Variants in H2BC11 observed in about 807,000 individuals in gnomAD.
H2BC11 encodes histone H2B type 1-J.
Under a neutral mutation model 6.0 loss-of-function variants are expected in H2BC11, and 7 were observed. That is an observed-to-expected ratio of 1.16 (90% CI 0.66 to 2.19). The LOEUF is 2.19. Among genes scored for constraint, H2BC11 ranks in the 30% most tolerant of loss-of-function variants. H2BC11 has a pLI of 0.00. For missense variants in H2BC11, 215 were observed against 170.3 expected, an observed-to-expected ratio of 1.26 and a Z score of -1.46; for synonymous variants, 127 against 72.0, an observed-to-expected ratio of 1.77 and a Z score of -3.87.
At position 27,132,738 on chromosome 6, in the gene H2BC11, C is replaced by T; in HGVS notation, c.13G>A (p.Ala5Thr). The change falls in exon 1 of 1, where the codon GCG becomes ACG. Residue 5 changes from alanine (A) to threonine (T), a missense_variant. By Grantham distance (58) the Ala-to-Thr change is moderately conservative (BLOSUM62 0). Coordinates refer to ENST00000339812, the MANE Select transcript of H2BC11 (RefSeq NM_021058.4). Reference protein sequence around the residue: MPEPAKSAPAPKKGS... With the variant: MPEPTKSAPAPKKGS... ...TTTTTCGGGGCGGGAGCAGACTTCGCTGGCTCTGGCATAGCACTGTGTAGC... is the reference window on the plus strand; with the variant it reads ...TTTTTCGGGGCGGGAGCAGACTTCGTTGGCTCTGGCATAGCACTGTGTAGC... 1 of 1,614,082 alleles carries T rather than the reference C, an allele frequency of 6.2e-7. No individual in the cohort carries two copies. The highest frequency in any genetic ancestry group is 8.5e-7 in the Non-Finnish European group (1 of 1,180,014).
Position 27,132,472 on chromosome 6 carries a change from C to T in H2BC11, c.279G>A (p.Arg93=), listed in dbSNP as rs777143365. The T allele has an allele frequency of 1.2e-6, 2 of 1,614,226 alleles. No individual in the cohort carries two copies. The highest frequency in any genetic ancestry group is 1.1e-5 in the South Asian group (1 of 91,082). ...GCAGGCGCACGGCCGTCTGGATCTC[C>T]CTGGAGGTGATGGTCGAGCGCTTGT... ...HYNKRSTITS[R]EIQTAVRLLL... The change falls in exon 1 of 1, where the codon AGG becomes AGA. Residue 93 remains arginine (R), a synonymous_variant. Coordinates refer to ENST00000339812, the MANE Select transcript of H2BC11 (RefSeq NM_021058.4).
Position 27,132,358 on chromosome 6 carries a change from C to G in H2BC11, c.*12G>C. 1 of 1,614,040 alleles carries G rather than the reference C, an allele frequency of 6.2e-7. No homozygotes were observed. On this transcript the variant is annotated 3_prime_UTR_variant, in exon 1 of 1. Coordinates refer to ENST00000339812, the MANE Select transcript of H2BC11 (RefSeq NM_021058.4). ...AGCCGTTAGGGTTGAGAGTTTGCAA[C>G]CAACTCACTGTTTACTTAGCGCTGG... is the stretch of plus-strand genomic sequence containing the variant.
At position 27,132,571 on chromosome 6, in the gene H2BC11, C is replaced by T. The variant is rs1759854225; in HGVS notation, c.180G>A (p.Met60Ile). The change falls in exon 1 of 1, where the codon ATG (methionine) becomes ATA (isoleucine). Residue 60 changes from methionine to isoleucine, a missense_variant. Coordinates refer to ENST00000339812, the MANE Select transcript of H2BC11 (RefSeq NM_021058.4). The part of the protein sequence containing the change: ...HPDTGISSKA[M>I]GIMNSFVNDI... ...CGTTCACAAACGAATTCATGATGCC[C>T]ATGGCCTTGGACGAAATGCCGGTGT... 5.0e-6 allele frequency: 8 copies of T among 1,614,110 alleles called. No homozygotes were observed. Among genetic ancestry groups the T allele is most frequent in the African/African-American group, 2.7e-5 (2 of 74,946 alleles).
At position 27,132,532 on chromosome 6, in the gene H2BC11, G is replaced by A. The variant is rs775993252; in HGVS notation, c.219C>T (p.Arg73=). The A allele has an allele frequency of 2.5e-6, 4 of 1,614,250 alleles. No homozygotes were observed. Among genetic ancestry groups the A allele is most frequent in the East Asian group, 2.2e-5 (1 of 44,886 alleles). The part of the protein sequence containing the change: ...MNSFVNDIFE[R]IAGEASRLAH... The stretch of plus-strand genomic sequence containing the variant: ...CCAGGCGGGAAGCCTCACCTGCGAT[G>A]CGCTCGAAAATGTCGTTCACAAACG... Residue 73 remains arginine, a synonymous_variant, in exon 1 of 1, where the codon CGC becomes CGT. Coordinates refer to ENST00000339812, the MANE Select transcript of H2BC11 (RefSeq NM_021058.4).
rs200132353 is a variant in H2BC11, at chr6:27,132,766, T to G, written c.-16A>C. The G allele has an allele frequency of 1.4e-5, 22 of 1,599,766 alleles. No homozygotes were observed. The highest frequency in any genetic ancestry group is 1.7e-5 in the Non-Finnish European group (20 of 1,175,728). ...GCTCTGGCATAGCACTGTGTAGCTATAAAGCGCCAACGAAAAGGAAAAACA... is the reference window on the plus strand; with the variant it reads ...GCTCTGGCATAGCACTGTGTAGCTAGAAAGCGCCAACGAAAAGGAAAAACA... On this transcript the variant is annotated 5_prime_UTR_variant, in exon 1 of 1. Transcript: ENST00000339812.
Position 27,132,725 on chromosome 6 carries a change from G to C in H2BC11, c.26C>G (p.Pro9Arg). The C allele has an allele frequency of 6.2e-7, 1 of 1,614,100 alleles. No homozygotes were observed. The highest frequency in any genetic ancestry group is 8.5e-7 in the Non-Finnish European group (1 of 1,180,018). ...CTTCTTGGAGCCCTTTTTCGGGGCG[G>C]GAGCAGACTTCGCTGGCTCTGGCAT... MPEPAKSA[P>R]APKKGSKKAV... The change falls in exon 1 of 1, where the codon CCC (proline) becomes CGC (arginine). Residue 9 changes from proline (P) to arginine (R), a missense_variant. Coordinates refer to ENST00000339812, the MANE Select transcript of H2BC11 (RefSeq NM_021058.4).
In H2BC11 at chr6:27,132,656, C is replaced by T. The variant is rs1315066105; in HGVS notation, c.95G>A (p.Arg32His). 32 of 1,614,230 alleles carry T rather than the reference C, an allele frequency of 2.0e-5. No individual in the cohort carries two copies. Among genetic ancestry groups the T allele is most frequent in the Non-Finnish European group, 2.6e-5 (31 of 1,180,048 alleles). The change falls in exon 1 of 1, where the codon CGC (arginine) becomes CAC (histidine). Residue 32 changes from arginine (R) to histidine (H), a missense_variant. By Grantham distance (29) the Arg-to-His change is conservative. Transcript: ENST00000339812. ...GATGGAATAGCTCTCCTTGCGGCTG[C>T]GCTTGCGCTTCTTGCCGTCTTTCTT... Reference protein sequence around the residue: ...AQKKDGKKRKRSRKESYSIYV... With the variant: ...AQKKDGKKRKHSRKESYSIYV...
rs372796717 is a variant in H2BC11, at chr6:27,132,396, C to G, written c.355G>C (p.Val119Leu). 6.2e-7 allele frequency: 1 copy of G among 1,614,074 alleles called. No individual in the cohort carries two copies. The highest frequency in any genetic ancestry group is 8.5e-7 in the Non-Finnish European group (1 of 1,180,054). ...KHAVSEGTKA[V>L]TKYTSAK ...TACTTAGCGCTGGTGTACTTGGTGA[C>G]GGCCTTAGTACCCTCGGACACGGCG... is the stretch of plus-strand genomic sequence containing the variant. The change falls in exon 1 of 1, where the codon GTC becomes CTC. Residue 119 changes from valine (V) to leucine (L), a missense_variant. Val to Leu is a conservative substitution (Grantham distance 32). Transcript: ENST00000339812.
Position 27,132,373 on chromosome 6 carries a change from C to G in H2BC11, c.378G>C (p.Lys126Asn), listed in dbSNP as rs539076165. The change falls in exon 1 of 1, where the codon AAG (lysine) becomes AAC (asparagine). Residue 126 changes from lysine to asparagine, a missense_variant. Physicochemically the swap from Lys to Asn is moderately conservative, Grantham distance 94. Transcript: ENST00000339812. Reference protein sequence around the residue: ...TKAVTKYTSAK With the variant: ...TKAVTKYTSAN The stretch of plus-strand genomic sequence containing the variant: ...GAGTTTGCAACCAACTCACTGTTTA[C>G]TTAGCGCTGGTGTACTTGGTGACGG... The G allele has an allele frequency of 1.9e-6, 3 of 1,614,192 alleles. No homozygotes were observed. The highest frequency in any genetic ancestry group is 1.3e-5 in the African/African-American group (1 of 75,048).
Position 27,132,690 on chromosome 6 carries a change from T to C in H2BC11, c.61A>G (p.Lys21Glu), listed in dbSNP as rs935230437. 1.9e-6 allele frequency: 3 copies of C among 1,614,096 alleles called. No homozygotes were observed. Among genetic ancestry groups the C allele is most frequent in the South Asian group, 2.2e-5 (2 of 91,084 alleles). The change falls in exon 1 of 1, where the codon AAG becomes GAG. Residue 21 changes from lysine to glutamate, a missense_variant. Lys to Glu is a moderately conservative substitution (Grantham distance 56). Coordinates refer to ENST00000339812, the MANE Select transcript of H2BC11 (RefSeq NM_021058.4). ...TTCTTGCCGTCTTTCTTCTGCGCCT[T>C]AGTCACCGCCTTCTTGGAGCCCTTT... Reference protein sequence around the residue: ...PKKGSKKAVTKAQKKDGKKRK... With the variant: ...PKKGSKKAVTEAQKKDGKKRK...
Position 27,132,538 on chromosome 6 carries a change from G to GA in H2BC11, c.212dup (p.Glu72ArgfsTer6). 6.2e-7 allele frequency: 1 copy of GA among 1,614,230 alleles called. No homozygotes were observed. Among genetic ancestry groups the GA allele is most frequent in the South Asian group, 1.1e-5 (1 of 91,090 alleles). ...GGGAAGCCTCACCTGCGATGCGCTC[G>GA]AAAATGTCGTTCACAAACGAATTCA... On this transcript the variant is annotated frameshift_variant, in exon 1 of 1. Transcript: ENST00000339812. LOFTEE classifies it high-confidence loss of function.
rs752986180 is a variant in H2BC11, at chr6:27,132,483, T to C, written c.268A>G (p.Ile90Val). 3.1e-6 allele frequency: 5 copies of C among 1,614,228 alleles called. No homozygotes were observed. Among genetic ancestry groups the C allele is most frequent in the Non-Finnish European group, 4.2e-6 (5 of 1,180,038 alleles). ...RLAHYNKRST[I>V]TSREIQTAVR... ...GCCGTCTGGATCTCCCTGGAGGTGATGGTCGAGCGCTTGTTGTAATGCGCC... is the reference window on the plus strand; with the variant it reads ...GCCGTCTGGATCTCCCTGGAGGTGACGGTCGAGCGCTTGTTGTAATGCGCC... The change falls in exon 1 of 1, where the codon ATC becomes GTC. Residue 90 changes from isoleucine to valine, a missense_variant. Ile to Val is a conservative substitution (Grantham distance 29, BLOSUM62 3). Transcript: ENST00000339812.
At position 27,132,795 on chromosome 6, in the gene H2BC11, T is replaced by C; in HGVS notation, c.-45A>G. The C allele has an allele frequency of 1.3e-6, 2 of 1,588,478 alleles. No individual in the cohort carries two copies. Among genetic ancestry groups the C allele is most frequent in the East Asian group, 2.2e-5 (1 of 44,718 alleles). ...GCGCCAACGAAAAGGAAAAACAGCG[T>C]GAGCAGGGTATGACAAGGCGCTTTT... On this transcript the variant is annotated 5_prime_UTR_variant, in exon 1 of 1. Transcript: ENST00000339812.
rs776208277 is a variant in H2BC11, at chr6:27,132,613, C to T, written c.138G>A (p.Leu46=). Residue 46 remains leucine (L), a synonymous_variant, in exon 1 of 1, where the codon CTG becomes CTA. Transcript: ENST00000339812. ...ESYSIYVYKV[L]KQVHPDTGIS... is the part of the protein sequence containing the mutation. ...TGCCGGTGTCAGGGTGGACCTGCTTCAGAACCTTGTACACATAGATGGAAT... is the reference window on the plus strand; with the variant it reads ...TGCCGGTGTCAGGGTGGACCTGCTTTAGAACCTTGTACACATAGATGGAAT... 10 of 1,614,264 alleles carry T rather than the reference C, an allele frequency of 6.2e-6. No individual in the cohort carries two copies. The highest frequency in any genetic ancestry group is 2.2e-5 in the East Asian group (1 of 44,884).
rs768809404 is a variant in H2BC11 at position 27,132,690 on chromosome 6, T to TA, written c.60dup (p.Lys21Ter). On this transcript the variant is annotated frameshift_variant, in exon 1 of 1. Transcript: ENST00000339812. LOFTEE classifies it high-confidence loss of function. The stretch of plus-strand genomic sequence containing the variant: ...TTCTTGCCGTCTTTCTTCTGCGCCT[T>TA]AGTCACCGCCTTCTTGGAGCCCTTT... 3.1e-6 allele frequency: 5 copies of TA among 1,614,096 alleles called. No individual in the cohort carries two copies. The highest frequency in any genetic ancestry group is 3.4e-6 in the Non-Finnish European group (4 of 1,180,036).
Position 27,132,474 on chromosome 6 carries a change from T to A in H2BC11, c.277A>T (p.Arg93Trp). 6.2e-7 allele frequency: 1 copy of A among 1,614,256 alleles called. No individual in the cohort carries two copies. Among genetic ancestry groups the A allele is most frequent in the Non-Finnish European group, 8.5e-7 (1 of 1,180,046 alleles). ...AGGCGCACGGCCGTCTGGATCTCCC[T>A]GGAGGTGATGGTCGAGCGCTTGTTG... ...HYNKRSTITS[R>W]EIQTAVRLLL... The change falls in exon 1 of 1, where the codon AGG (arginine) becomes TGG (tryptophan). Residue 93 changes from arginine (R) to tryptophan (W), a missense_variant. Coordinates refer to ENST00000339812, the MANE Select transcript of H2BC11 (RefSeq NM_021058.4).
In H2BC11 at chr6:27,132,332, G is replaced by A. The variant is rs769543312; in HGVS notation, c.*38C>T. On this transcript the variant is annotated 3_prime_UTR_variant, in exon 1 of 1. Coordinates refer to ENST00000339812, the MANE Select transcript of H2BC11 (RefSeq NM_021058.4). ...TTGAGAACATGGGTGGCTCTTAAAA[G>A]AGCCGTTAGGGTTGAGAGTTTGCAA... 3.1e-6 allele frequency: 5 copies of A among 1,610,028 alleles called. No individual in the cohort carries two copies. In the South Asian group the frequency reaches 4.4e-5, roughly 14 times the overall value.
At position 27,132,392 on chromosome 6, in the gene H2BC11, G is replaced by A. The variant is rs761821895; in HGVS notation, c.359C>T (p.Thr120Ile). Residue 120 changes from threonine (T) to isoleucine (I), a missense_variant, in exon 1 of 1, where the codon ACC (threonine) becomes ATC (isoleucine). Thr to Ile is a moderately conservative substitution (Grantham distance 89). Transcript: ENST00000339812. Reference sequence around the variant, plus strand: ...TGTTTACTTAGCGCTGGTGTACTTGGTGACGGCCTTAGTACCCTCGGACAC... The same window carrying A: ...TGTTTACTTAGCGCTGGTGTACTTGATGACGGCCTTAGTACCCTCGGACAC... ...HAVSEGTKAV[T>I]KYTSAK 1.2e-6 allele frequency: 2 copies of A among 1,614,204 alleles called. No individual in the cohort carries two copies. The highest frequency in any genetic ancestry group is 1.6e-4 in the Middle Eastern group (1 of 6,062).
At position 27,132,632 on chromosome 6, in the gene H2BC11, A is replaced by T; in HGVS notation, c.119T>A (p.Ile40Asn). 15 of 1,614,148 alleles carry T rather than the reference A, an allele frequency of 9.3e-6. No homozygotes were observed. Among genetic ancestry groups the T allele is most frequent in the Non-Finnish European group, 1.3e-5 (15 of 1,180,032 alleles). The change falls in exon 1 of 1, where the codon ATC becomes AAC. Residue 40 changes from isoleucine to asparagine, a missense_variant. Coordinates refer to ENST00000339812, the MANE Select transcript of H2BC11 (RefSeq NM_021058.4). ...RKRSRKESYS[I>N]YVYKVLKQVH... The stretch of plus-strand genomic sequence containing the variant: ...CTGCTTCAGAACCTTGTACACATAG[A>T]TGGAATAGCTCTCCTTGCGGCTGCG...
Sources: allele counts gnomAD v4.1 joint callset, GRCh38; gene constraint gnomAD v4.1.1; transcripts MANE v1.5; gene names NCBI Gene and HGNC (gene_info 2026-07-23, HGNC 2026-07-21).